Variants in GRIK2 observed in about 807,000 individuals in gnomAD.
GRIK2 encodes glutamate ionotropic receptor kainate type subunit 2.
GRIK2 carries 32 observed loss-of-function variants against 100.3 expected under a neutral mutation model. The ratio of observed to expected loss-of-function variants is 0.32; its 90% CI spans 0.24 to 0.43. The LOEUF is 0.43. Among genes scored for constraint, GRIK2 ranks in the 20% least tolerant of loss-of-function variants. The pLI, the probability that GRIK2 is intolerant of heterozygous loss-of-function variation, is 1.00. For synonymous variants in GRIK2, 417 were observed against 389.4 expected, an observed-to-expected ratio of 1.07 and a Z score of -0.83; for missense variants, 843 against 1,114.9, an observed-to-expected ratio of 0.76 and a Z score of 3.47.
intron 14 of GRIK2, among the ~76,000 whole-genome samples, chr6:101,975,207 CAG>C (rs1793292077): frequency 6.6e-6 from 1 of 151,798 alleles, no homozygotes; most frequent in East Asian, 2.0e-4. Context: ...GCCCTCCACA[CAG>C]AGATATCTAG....
chr6:101,939,692 G>C (rs1790837710), intron 14 of GRIK2, among the ~76,000 whole-genome samples: 2 of 152,102 alleles, frequency 1.3e-5, no homozygotes, highest in Non-Finnish European at 2.9e-5. Flanking sequence ...CATGGTCACA[G>C]CAAAATCAAC....
intron 14 of GRIK2, among the ~76,000 whole-genome samples, chr6:102,002,780 A>G (rs1253138262): frequency 6.6e-6 from 1 of 150,862 alleles, no homozygotes; most frequent in African/African-American, 2.4e-5. Context: ...CCCACCTATT[A>G]TCACAGATGT....
chr6:101,558,040 A>T (rs1157619613), intron 2 of GRIK2, among the ~76,000 whole-genome samples: 1 of 152,080 alleles, frequency 6.6e-6, no homozygotes, highest in East Asian at 1.9e-4. Flanking sequence ...TTCTTCTCTA[A>T]TTACCACCCA....
At chr6:101,916,961 C>T (rs1789154258) in intron 12 of GRIK2, among the ~76,000 whole-genome samples, 1 of 151,594 alleles carries the variant, frequency 6.6e-6, no homozygotes, top group Non-Finnish European at 1.5e-5. Context: ...CATTTTATGC[C>T]TGATCCCACT....
intron 14 of GRIK2, among the ~76,000 whole-genome samples, chr6:102,028,157 G>A (rs1769800326): frequency 6.6e-6 from 1 of 151,104 alleles, no homozygotes; most frequent in African/African-American, 2.4e-5. Context: ...GTTTTAAATT[G>A]TTAGATGTGT....
intron 7 of GRIK2, among the ~76,000 whole-genome samples, chr6:101,725,149 G>GC (rs1774772724): frequency 6.6e-6 from 1 of 152,048 alleles, no homozygotes; most frequent in African/African-American, 2.4e-5. Context: ...TTAAGTGGCT[G>GC]CCCTTATACT....
chr6:101,915,993 A>G (rs1789080038), intron 12 of GRIK2, among the ~76,000 whole-genome samples: 1 of 151,424 alleles, frequency 6.6e-6, no homozygotes, highest in Admixed American at 6.6e-5. Context: ...ATGGATTTAA[A>G]GAGATAACTT....
chr6:101,453,740 G>A (rs1044537096), intron 2 of GRIK2, among the ~76,000 whole-genome samples: 1 of 151,960 alleles, frequency 6.6e-6, no homozygotes, highest in Admixed American at 6.6e-5. Context: ...ACGTTATGAA[G>A]TATGTAGACT....
chr6:101,476,307 C>G (rs1340234495), intron 2 of GRIK2, among the ~76,000 whole-genome samples: 5 of 152,108 alleles, frequency 3.3e-5, no homozygotes, highest in African/African-American at 7.2e-5. Flanking sequence ...AGAAATATTT[C>G]TTTCTCCACC....
intron 14 of GRIK2, among the ~76,000 whole-genome samples, chr6:101,948,405 C>A (rs1352968212): frequency 6.7e-6 from 1 of 149,360 alleles, no homozygotes; most frequent in Admixed American, 6.7e-5. Flanking sequence ...CCAGTGTTAA[C>A]CATCAGTGCC....
At chr6:101,579,101 A>C (rs536541685) in intron 2 of GRIK2, among the ~76,000 whole-genome samples, 3 of 152,260 alleles carry the variant, frequency 2.0e-5, no homozygotes, top group Non-Finnish European at 2.9e-5. Flanking sequence ...TTAAAAGCAC[A>C]TAGTAAATGC....
At chr6:101,476,368 GA>G (rs1232231626) in intron 2 of GRIK2, among the ~76,000 whole-genome samples, 1 of 151,980 alleles carries the variant, frequency 6.6e-6, no homozygotes, top group African/African-American at 2.4e-5. Flanking sequence ...GAAAAGATGT[GA>G]AAAATGCACA....
chr6:101,639,602 A>G (rs9498654), intron 4 of GRIK2, among the ~76,000 whole-genome samples: 3 of 151,572 alleles, frequency 2.0e-5, no homozygotes, highest in South Asian at 2.1e-4. Flanking sequence ...ATACATGCAT[A>G]CATACATACA....
intron 7 of GRIK2, among the ~76,000 whole-genome samples, chr6:101,716,227 A>G (rs1774054298): frequency 6.6e-6 from 1 of 151,716 alleles, no homozygotes; most frequent in Non-Finnish European, 1.5e-5. Context: ...ATTAATAGTC[A>G]AAGGGAAAAG....
intron 4 of GRIK2, among the ~76,000 whole-genome samples, chr6:101,634,410 A>T (rs1358931601): frequency 6.6e-6 from 1 of 152,112 alleles, no homozygotes; most frequent in Non-Finnish European, 1.5e-5. Flanking sequence ...TTCTTAACAT[A>T]TGAAGTTTGA....
intron 14 of GRIK2, among the ~76,000 whole-genome samples, chr6:101,964,647 C>G (rs776249240): frequency 6.6e-6 from 1 of 152,160 alleles, no homozygotes; most frequent in Non-Finnish European, 1.5e-5. Flanking sequence ...CCTGCCTAAC[C>G]ATTGCTGCAG....
intron 1 of GRIK2, among the ~76,000 whole-genome samples, chr6:101,397,315 T>C (rs1775049944): frequency 6.6e-6 from 1 of 152,214 alleles, no homozygotes; most frequent in African/African-American, 2.4e-5. Flanking sequence ...CAGAATGGAA[T>C]AAATGAGACA....
At chr6:101,698,958 AC>A (rs1772687904) in intron 7 of GRIK2, among the ~76,000 whole-genome samples, 1 of 152,148 alleles carries the variant, frequency 6.6e-6, no homozygotes, top group Non-Finnish European at 1.5e-5. Flanking sequence ...CTTTGTAGTT[AC>A]CTCACTGGAC....
intron 13 of GRIK2, among the ~76,000 whole-genome samples, chr6:101,926,214 T>G (rs1248311680): frequency 2.7e-5 from 4 of 149,468 alleles, no homozygotes; most frequent in Non-Finnish European, 5.9e-5. Context: ...TTTTTTTTTT[T>G]TTTTTCCCTT....
Sources: gnomAD v4.1 joint callset for allele counts (sites outside exome capture counted in the v4.1 genomes callset) on GRCh38, gnomAD v4.1.1 for gene constraint, MANE v1.5 for transcripts, NCBI Gene and HGNC (gene_info 2026-07-23, HGNC 2026-07-21) for gene names.